Variants in GNE observed in about 807,000 individuals in gnomAD.
The protein encoded by GNE is glucosamine (UDP-N-acetyl)-2-epimerase/N-acetylmannosamine kinase.
Under a neutral mutation model 61.8 loss-of-function variants are expected in GNE, and 41 were observed. The observed-to-expected ratio is 0.66, with a 90% CI of 0.52 to 0.86. The LOEUF (loss-of-function observed/expected upper bound fraction) is 0.86. GNE is among the 40% of genes least tolerant of loss of function. The pLI is 0.00. For missense variants in GNE, 608 were observed against 909.1 expected, an observed-to-expected ratio of 0.67 and a Z score of 4.26; for synonymous variants, 264 against 326.4, an observed-to-expected ratio of 0.81 and a Z score of 2.06.
chr9:36,241,559 C>T lies in GNE; in HGVS notation c.616+4472G>A, dbSNP rs1829630539. Among the ~76,000 whole-genome samples the T allele has an allele frequency of 2.0e-5, 3 of 152,180 alleles. No individual in the cohort carries two copies. In the South Asian group the frequency reaches 6.2e-4, roughly 31 times the overall value. On this transcript the variant is annotated intron_variant, in intron 3 of 11. Coordinates refer to ENST00000642385, the MANE Select transcript of GNE (RefSeq NM_005476.7). The stretch of plus-strand genomic sequence containing the variant: ...TCATACAAAGTTTGCACCTGCTTCT[C>T]CACCTGGCACTTCTGATATTATTAC...
At chr9:36,250,922 C>G (rs1451487806) in intron 1 of GNE, among the ~76,000 whole-genome samples, 1 of 152,102 alleles carries the variant, frequency 6.6e-6, no homozygotes, top group African/African-American at 2.4e-5. Flanking sequence ...CTCAAGTGAT[C>G]CACCCACCTC....
intron 1 of GNE, among the ~76,000 whole-genome samples, chr9:36,249,838 C>A (rs1020040262): frequency 6.6e-6 from 1 of 151,286 alleles, no homozygotes; most frequent in African/African-American, 2.4e-5. Flanking sequence ...GAGCTGAGAT[C>A]GCACCACCAC....
At chr9:36,253,470 G>GT (rs1462399386) in intron 1 of GNE, among the ~76,000 whole-genome samples, 13 of 150,800 alleles carry the variant, frequency 8.6e-5, no homozygotes, top group Non-Finnish European at 1.3e-4. Flanking sequence ...CAGAGACGGG[G>GT]TTTCACCATG....
chr9:36,229,340 A>G (rs1829037748), intron 5 of GNE, among the ~76,000 whole-genome samples: 1 of 152,160 alleles, frequency 6.6e-6, no homozygotes, highest in Admixed American at 6.5e-5. Context: ...TCCCAAGGAG[A>G]ACAAATCAAG....
chr9:36,228,056 C>T (rs1038886395), intron 6 of GNE, among the ~76,000 whole-genome samples: 14 of 147,760 alleles, frequency 9.5e-5, no homozygotes, highest in Non-Finnish European at 1.5e-4. Context: ...AAAAAACAAC[C>T]AACAATAACA....
chr9:36,265,642 G>A (rs1052726523), intron 1 of GNE: 10 of 299,778 alleles, frequency 3.3e-5, no homozygotes, highest in South Asian at 2.3e-4. Context: ...CTAGGGCAGC[G>A]GTCCCCAGTC....
At chr9:36,276,800 CT>C in intron 1 of GNE, 1 of 952,208 alleles carries the variant, frequency 1.1e-6, no homozygotes, top group East Asian at 2.5e-5. Flanking sequence ...AAAACCAAAG[CT>C]TTCCTCTTCC....
At chr9:36,275,840 G>A (rs1325525975) in intron 1 of GNE, among the ~76,000 whole-genome samples, 5 of 152,156 alleles carry the variant, frequency 3.3e-5, no homozygotes, top group African/African-American at 1.2e-4. Context: ...AGTAAACTGT[G>A]TTGGCAATAA....
At chr9:36,240,620 G>T (rs1377112970) in intron 3 of GNE, among the ~76,000 whole-genome samples, 1 of 151,830 alleles carries the variant, frequency 6.6e-6, no homozygotes, top group African/African-American at 2.4e-5. Flanking sequence ...TGTTTTTTTT[G>T]TTATGTCCTT....
chr9:36,259,963 A>C (rs1830550513), upstream of GNE, among the ~76,000 whole-genome samples: 1 of 152,176 alleles, frequency 6.6e-6, no homozygotes, highest in African/African-American at 2.4e-5. Context: ...CACCAGGCCC[A>C]GATTTCTTTT....
At chr9:36,269,806 C>T (rs1011494440) in intron 1 of GNE, among the ~76,000 whole-genome samples, 1 of 151,848 alleles carries the variant, frequency 6.6e-6, no homozygotes, top group Non-Finnish European at 1.5e-5. Context: ...GGATTACAGG[C>T]GCCCACCACC....
intron 3 of GNE, among the ~76,000 whole-genome samples, chr9:36,241,103 CT>C (rs1248071517): frequency 4.0e-5 from 6 of 150,136 alleles, no homozygotes; most frequent in Non-Finnish European, 8.9e-5. Flanking sequence ...AAAGAACCAG[CT>C]TTTTGTTTCA....
At chr9:36,270,338 A>G (rs1161841853) in intron 1 of GNE, among the ~76,000 whole-genome samples, 3 of 152,082 alleles carry the variant, frequency 2.0e-5, no homozygotes, top group African/African-American at 7.2e-5. Flanking sequence ...CCTAAAATCA[A>G]TATTTATAAT....
At position 36,227,131 on chromosome 9, in the gene GNE, C is replaced by T. The variant is rs569986522; in HGVS notation, c.1281+117G>A. ...AGGATCCACAAGTCAATACTATCAGCAAATGATTACAAGCTCTTGTGTATG... is the reference window on the plus strand; with the variant it reads ...AGGATCCACAAGTCAATACTATCAGTAAATGATTACAAGCTCTTGTGTATG... On this transcript the variant is annotated intron_variant, in intron 7 of 11. Transcript: ENST00000642385. 6.9e-6 allele frequency: 5 copies of T among 723,484 alleles called. No homozygotes were observed. The East Asian group carries it at 1.1e-4, about 16-fold the overall frequency. The allele number at this position is 723,484 out of a possible 1,614,324, so 44.8% of individuals were successfully genotyped here. A position where few individuals can be genotyped will look rare whatever the true frequency, so the allele number is the denominator to read the frequency against.
upstream of GNE, among the ~76,000 whole-genome samples, chr9:36,258,664 C>T (rs1359823165): frequency 6.6e-6 from 1 of 152,236 alleles, no homozygotes; most frequent in Non-Finnish European, 1.5e-5. Flanking sequence ...GGAGCTGCTG[C>T]GGGGCTGTCC....
intron 1 of GNE, among the ~76,000 whole-genome samples, chr9:36,264,266 G>A (rs1227328129): frequency 6.6e-6 from 1 of 152,038 alleles, no homozygotes; most frequent in African/African-American, 2.4e-5. Flanking sequence ...CCAAGTAATT[G>A]GGACTACAGG....
intron 1 of GNE, among the ~76,000 whole-genome samples, chr9:36,272,559 T>C (rs1587391704): frequency 7.3e-6 from 1 of 137,226 alleles, no homozygotes; most frequent in African/African-American, 2.8e-5. Context: ...AGGCGGAGCT[T>C]GCAGTGAGCC....
intron 1 of GNE, among the ~76,000 whole-genome samples, chr9:36,275,886 A>G (rs1563965572): frequency 6.6e-6 from 1 of 152,236 alleles, no homozygotes; most frequent in South Asian, 2.1e-4. Flanking sequence ...AAAAGTTTTT[A>G]TAAGGCCAGG....
At chr9:36,255,382 A>G (rs1274597119) in intron 1 of GNE, among the ~76,000 whole-genome samples, 1 of 151,862 alleles carries the variant, frequency 6.6e-6, no homozygotes, top group African/African-American at 2.4e-5. Flanking sequence ...TAATTTTTGT[A>G]TTTTTTTAGT....
Sources: allele counts gnomAD v4.1 joint callset (sites outside exome capture counted in the v4.1 genomes callset), GRCh38; gene constraint gnomAD v4.1.1; transcripts MANE v1.5; gene names NCBI Gene and HGNC (gene_info 2026-07-23, HGNC 2026-07-21).